The following AXIN1 variants were observed in gnomAD, a reference collection of about 807,000 sequenced individuals.
The protein encoded by AXIN1 is axin 1, also known as axin-1.
AXIN1 carries 30 observed loss-of-function variants against 76.4 expected under a neutral mutation model. The observed-to-expected ratio is 0.39, with a 90% confidence interval of 0.29 to 0.53. The LOEUF is 0.53. Ranked by LOEUF, AXIN1 falls within the 20% of genes least tolerant of loss-of-function variation. The probability of loss-of-function intolerance (pLI) is 0.66; values close to 1 mark genes in which losing one functional copy is unlikely to be tolerated. For synonymous variants in AXIN1, 545 were observed against 501.4 expected, an observed-to-expected ratio of 1.09 and a Z score of -1.16; for missense variants, 1,140 against 1,198.8, an observed-to-expected ratio of 0.95 and a Z score of 0.72.
chr16:345,978 G>A (rs995580522), intron 2 of AXIN1, among the ~76,000 whole-genome samples, 170 bp downstream of exon 2: 2 of 152,186 alleles, frequency 1.3e-5, no homozygotes, highest in Non-Finnish European at 2.9e-5. Context: ...ATATAAAAAA[G>A]TAATGACAAA....
At chr16:320,743 A>ATATATATTTTTTTT (rs397722732) in intron 2 of AXIN1, among the ~76,000 whole-genome samples, 4 of 107,622 alleles carry the variant, frequency 3.7e-5, no homozygotes, top group South Asian at 2.8e-4. Context: ...ATATATATAT[A>ATATATATTTTTTTT]TTTTTTTTTT....
At chr16:298,476 G>A (rs868507179) in intron 5 of AXIN1, among the ~76,000 whole-genome samples, 18 of 152,202 alleles carry the variant, frequency 1.2e-4, no homozygotes, top group Admixed American at 5.9e-4. Flanking sequence ...CGTATGTATC[G>A]GCTGTGGGCA....
At position 288,290 on chromosome 16, in the gene AXIN1, G is replaced by A. The variant is rs370018990; in HGVS notation, c.2463-42C>T. 127 of 1,612,740 alleles carry A rather than the reference G, an allele frequency of 7.9e-5. 1 individual carries two copies. Among genetic ancestry groups the A allele is most frequent in the Non-Finnish European group, 1.0e-4 (119 of 1,179,776 alleles). ...AGGAGGGCAGTGAGCAGGCAGCACC[G>A]CAGATGGGAAGGAGGCCTGTGGCAG... On this transcript the variant is annotated intron_variant, in intron 10 of 10. Transcript: ENST00000262320.
chr16:351,192 CTG>C (rs2054135849), intron 1 of AXIN1, among the ~76,000 whole-genome samples: 4 of 151,308 alleles, frequency 2.6e-5, no homozygotes, highest in Non-Finnish European at 4.4e-5. Context: ...CCGGTTTAGA[CTG>C]TGTTTTCTCC....
At position 304,353 on chromosome 16, in the gene AXIN1, G is replaced by A. The variant is rs142097791; in HGVS notation, c.1205C>T (p.Thr402Met). ...CTCCAGCTTCTCCTCGGCCTCCCGC[G>A]TGCGCTGCACAGCCTCCAGGCGGTG... ...LIHRLEAVQR[T>M]REAEEKLEER... The change falls in exon 5 of 11, where the codon ACG becomes ATG. Residue 402 changes from threonine (T) to methionine (M), a missense_variant. Thr to Met is a moderately conservative substitution (Grantham distance 81). Coordinates refer to ENST00000262320, the MANE Select transcript of AXIN1 (RefSeq NM_003502.4). 1,301 of 1,612,564 alleles carry A rather than the reference G, an allele frequency of 8.1e-4. 2 individuals are homozygous for A. Among genetic ancestry groups the A allele is most frequent in the Middle Eastern group, 2.3e-3 (14 of 6,062 alleles).
intron 9 of AXIN1, chr16:289,940 G>T: frequency 2.2e-6 from 1 of 464,476 alleles, no homozygotes. Flanking sequence ...ATCTCAGGAA[G>T]ACCTACGGCC....
intron 1 of AXIN1, among the ~76,000 whole-genome samples, chr16:352,045 C>A (rs1243776752): frequency 6.6e-6 from 1 of 151,974 alleles, no homozygotes; most frequent in Non-Finnish European, 1.5e-5. Flanking sequence ...CGAGGGCGGG[C>A]GGGAGTGTCC....
At chr16:289,872 C>A (rs773166241) in intron 9 of AXIN1, 16 of 562,768 alleles carry the variant, frequency 2.8e-5, no homozygotes, top group Non-Finnish European at 9.6e-6. Context: ...CAGGGCCTGG[C>A]TGCCAGGTGC....
At chr16:341,409 C>G (rs936714509) in intron 2 of AXIN1, among the ~76,000 whole-genome samples, 2 of 152,280 alleles carry the variant, frequency 1.3e-5, no homozygotes, top group African/African-American at 4.8e-5. Flanking sequence ...GCACCCGGGC[C>G]AGCGGCTGCG....
chr16:337,552 A>AG (rs1020774313), intron 2 of AXIN1, among the ~76,000 whole-genome samples: 2 of 151,152 alleles, frequency 1.3e-5, no homozygotes, highest in African/African-American at 4.9e-5. Context: ...CAGGAGGGTG[A>AG]GTGCCATGAG....
chr16:350,277 AGGG>A (rs2054115653), intron 1 of AXIN1, among the ~76,000 whole-genome samples: 3 of 152,208 alleles, frequency 2.0e-5, no homozygotes, highest in Admixed American at 1.3e-4. Context: ...GGGTTCCCAC[AGGG>A]AAGCACACCA....
At chr16:309,823 C>A in intron 4 of AXIN1, 150 bp downstream of exon 4, 1 of 757,238 alleles carries the variant, frequency 1.3e-6, no homozygotes. Context: ...GGACTGGCCA[C>A]TTGCAGATGT....
intron 2 of AXIN1, among the ~76,000 whole-genome samples, chr16:329,474 C>G (rs890316173): frequency 6.6e-5 from 10 of 152,000 alleles, no homozygotes; most frequent in African/African-American, 2.4e-4. Flanking sequence ...GATATGGCAT[C>G]TTTCTCTGTT....
In AXIN1 at chr16:310,528, C is replaced by T. The variant is rs183389635; in HGVS notation, c.1020-459G>A. ...TCTCCTGCCTCAGCCTCCTGAGTAG[C>T]TGGGACTACAGGTGCCCGCCACCAC... is the stretch of plus-strand genomic sequence containing the variant. On this transcript the variant is annotated intron_variant, in intron 3 of 10. Transcript: ENST00000262320. Among the ~76,000 whole-genome samples, 468 of 152,312 alleles carry T rather than the reference C, an allele frequency of 3.1e-3. 2 individuals carry two copies. The highest frequency in any genetic ancestry group is 2.7e-3 in the Non-Finnish European group (182 of 68,038).
intron 2 of AXIN1, among the ~76,000 whole-genome samples, chr16:326,701 C>T (rs553304845): frequency 4.7e-5 from 7 of 149,860 alleles, no homozygotes; most frequent in Admixed American, 2.0e-4. Context: ...AGCGAGATCG[C>T]GCCACTGCAC....
chr16:347,675 G>A (rs542635913), intron 1 of AXIN1, among the ~76,000 whole-genome samples: 15 of 152,288 alleles, frequency 9.8e-5, no homozygotes, highest in African/African-American at 3.4e-4. Flanking sequence ...CACGTCACGC[G>A]TGGTACACCT....
chr16:288,403 A>G, intron 10 of AXIN1, 155 bp from the exon 11 acceptor site: 3 of 1,115,504 alleles, frequency 2.7e-6, no homozygotes, highest in Non-Finnish European at 2.6e-6. Context: ...CCAGGGCAAC[A>G]GTGAACAGTG....
chr16:291,645 T>G, intron 8 of AXIN1: 1 of 392,852 alleles, frequency 2.5e-6, no homozygotes, highest in Non-Finnish European at 4.9e-6. Flanking sequence ...CTTCAGTCTC[T>G]TGGCATGAAT....
intron 2 of AXIN1, among the ~76,000 whole-genome samples, chr16:323,255 C>T (rs933773714): frequency 6.6e-6 from 1 of 151,636 alleles, no homozygotes; most frequent in Non-Finnish European, 1.5e-5. Context: ...CTGGCTAACA[C>T]GGTGAAACCC....
Sources: gnomAD v4.1 joint callset for allele counts (sites outside exome capture counted in the v4.1 genomes callset) on GRCh38, gnomAD v4.1.1 for gene constraint, MANE v1.5 for transcripts, NCBI Gene and HGNC (gene_info 2026-07-23, HGNC 2026-07-21) for gene names.